The following OR5D14 variants were observed in gnomAD, a reference collection of about 807,000 sequenced individuals.
OR5D14 encodes olfactory receptor 5D14.
For synonymous variants in OR5D14, 187 were observed against 138.2 expected (o/e 1.35, Z -2.48); for missense variants, 466 against 375.5 (o/e 1.24, Z -1.99).
In OR5D14 at chr11:55,795,720, C is replaced by A. The variant is rs1327921999; in HGVS notation, c.165C>A (p.Pro55=). The A allele has an allele frequency of 6.2e-7, 1 of 1,613,392 alleles. No individual in the cohort carries two copies. Among genetic ancestry groups the A allele is most frequent in the Non-Finnish European group, 8.5e-7 (1 of 1,179,580 alleles). Residue 55 remains proline (P), a synonymous_variant, in exon 1 of 1, where the codon CCC becomes CCA. Transcript: ENST00000335605. ...LGMIIIIKIN[P]KFHTPMYFFL... ...TGATCATAATAATCAAGATTAACCC[C>A]AAATTTCACACTCCTATGTACTTTT...
At position 55,796,083 on chromosome 11, in the gene OR5D14, C is replaced by A; in HGVS notation, c.528C>A (p.Ile176=). 6.2e-7 allele frequency: 1 copy of A among 1,613,986 alleles called. No individual in the cohort carries two copies. Among genetic ancestry groups the A allele is most frequent in the Non-Finnish European group, 8.5e-7 (1 of 1,180,020 alleles). Reference sequence around the variant, plus strand: ...TAAACTTCTCTGGACCTAATGTAATCAACCACTTCTTTTGTGAGTATACTG... The same window carrying A: ...TAAACTTCTCTGGACCTAATGTAATAAACCACTTCTTTTGTGAGTATACTG... ...LRLNFSGPNV[I]NHFFCEYTAL... Residue 176 remains isoleucine (I), a synonymous_variant, in exon 1 of 1, where the codon ATC becomes ATA. Transcript: ENST00000335605.
rs747935351 is a variant in OR5D14 at position 55,795,942 on chromosome 11, C to A, written c.387C>A (p.Cys129Ter). 1 of 1,613,890 alleles carries A rather than the reference C, an allele frequency of 6.2e-7. No homozygotes were observed. Among genetic ancestry groups the A allele is most frequent in the South Asian group, 1.1e-5 (1 of 91,080 alleles). Reference protein sequence around the residue: ...VMAYDRFVAICNPLLYTVAMS... With the variant: ...VMAYDRFVAI ...CCTATGACCGCTTTGTGGCCATCTGCAATCCTCTGCTTTATACAGTGGCCA... is the reference window on the plus strand; with the variant it reads ...CCTATGACCGCTTTGTGGCCATCTGAAATCCTCTGCTTTATACAGTGGCCA... The change falls in exon 1 of 1, where the codon TGC becomes TGA. Residue 129 changes from cysteine to a stop codon, truncating the protein, a stop_gained. Transcript: ENST00000335605. LOFTEE classifies it low-confidence loss of function (END_TRUNC).
At position 55,796,402 on chromosome 11, in the gene OR5D14, G is replaced by T; in HGVS notation, c.847G>T (p.Val283Phe). The change falls in exon 1 of 1, where the codon GTC becomes TTC. Residue 283 changes from valine (V) to phenylalanine (F), a missense_variant. Transcript: ENST00000335605. ...AGTGGCCTCTGTATTTTACACAGTT[G>T]TCAACCCCATGCTGAACCCTCTGAT... Reference protein sequence around the residue: ...VKVASVFYTVVNPMLNPLIYS... With the variant: ...VKVASVFYTVFNPMLNPLIYS... The T allele has an allele frequency of 6.2e-7, 1 of 1,613,782 alleles. No individual in the cohort carries two copies. The highest frequency in any genetic ancestry group is 8.5e-7 in the Non-Finnish European group (1 of 1,179,880).
chr11:55,796,364 G>A lies in OR5D14; in HGVS notation c.809G>A (p.Arg270Gln), dbSNP rs183124098. The change falls in exon 1 of 1, where the codon CGG becomes CAG. Residue 270 changes from arginine to glutamine, a missense_variant. Physicochemically the swap from Arg to Gln is conservative, Grantham distance 43 (BLOSUM62 1). Coordinates refer to ENST00000335605, the MANE Select transcript of OR5D14 (RefSeq NM_001004735.1). ...TGTGTACCCAACTCCAAAAACTCTCGGCAAACAGTCAAAGTGGCCTCTGTA... is the reference window on the plus strand; with the variant it reads ...TGTGTACCCAACTCCAAAAACTCTCAGCAAACAGTCAAAGTGGCCTCTGTA... Reference protein sequence around the residue: ...LYCVPNSKNSRQTVKVASVFY... With the variant: ...LYCVPNSKNSQQTVKVASVFY... 90 of 1,613,768 alleles carry A rather than the reference G, an allele frequency of 5.6e-5. 2 individuals carry two copies. In the East Asian group the frequency reaches 7.4e-4, roughly 13 times the overall value.
Position 55,796,489 on chromosome 11 carries a change from C to G in OR5D14, c.934C>G (p.Pro312Ala), listed in dbSNP as rs1459988977. ...AFWKLIHTQV[P>A]FH ...CTGGAAGTTAATACATACACAAGTTCCATTTCACTGAACCAGTCTCAAAAG... is the reference window on the plus strand; with the variant it reads ...CTGGAAGTTAATACATACACAAGTTGCATTTCACTGAACCAGTCTCAAAAG... The change falls in exon 1 of 1, where the codon CCA becomes GCA. Residue 312 changes from proline to alanine, a missense_variant. Coordinates refer to ENST00000335605, the MANE Select transcript of OR5D14 (RefSeq NM_001004735.1). 6.3e-7 allele frequency: 1 copy of G among 1,592,006 alleles called. No individual in the cohort carries two copies. Among genetic ancestry groups the G allele is most frequent in the Admixed American group, 1.7e-5 (1 of 58,814 alleles).
chr11:55,796,489 C>A lies in OR5D14; in HGVS notation c.934C>A (p.Pro312Thr). The part of the protein sequence containing the change: ...AFWKLIHTQV[P>T]FH The stretch of plus-strand genomic sequence containing the variant: ...CTGGAAGTTAATACATACACAAGTT[C>A]CATTTCACTGAACCAGTCTCAAAAG... Residue 312 changes from proline (P) to threonine (T), a missense_variant, in exon 1 of 1, where the codon CCA (proline) becomes ACA (threonine). Transcript: ENST00000335605. The A allele has an allele frequency of 1.3e-6, 2 of 1,592,006 alleles. No individual in the cohort carries two copies. Among genetic ancestry groups the A allele is most frequent in the Non-Finnish European group, 8.6e-7 (1 of 1,168,900 alleles).
In OR5D14 at chr11:55,796,158, T is replaced by C. The variant is rs1248946522; in HGVS notation, c.603T>C (p.Leu201=). 7 of 1,613,946 alleles carry C rather than the reference T, an allele frequency of 4.3e-6. No homozygotes were observed. Among genetic ancestry groups the C allele is most frequent in the Non-Finnish European group, 5.9e-6 (7 of 1,179,972 alleles). Reference sequence around the variant, plus strand: ...ATATACTCATCCCCCACCTGCTGCTTTTCAGCTTCGCCACCTTCAATGAGA... The same window carrying C: ...ATATACTCATCCCCCACCTGCTGCTCTTCAGCTTCGCCACCTTCAATGAGA... ...GSDILIPHLL[L]FSFATFNEMC... The change falls in exon 1 of 1, where the codon CTT becomes CTC. Residue 201 remains leucine (L), a synonymous_variant. Coordinates refer to ENST00000335605, the MANE Select transcript of OR5D14 (RefSeq NM_001004735.1).
rs148455368 is a variant in OR5D14 at position 55,796,197 on chromosome 11, G to C, written c.642G>C (p.Leu214=). The C allele has an allele frequency of 3.9e-5, 63 of 1,613,766 alleles. No individual in the cohort carries two copies. Among genetic ancestry groups the C allele is most frequent in the Non-Finnish European group, 5.3e-5 (62 of 1,179,998 alleles). ...CCTTCAATGAGATGTGTACACTACTGATCATCCTCACTTCCTATGTTTTCA... is the reference window on the plus strand; with the variant it reads ...CCTTCAATGAGATGTGTACACTACTCATCATCCTCACTTCCTATGTTTTCA... ...FATFNEMCTL[L]IILTSYVFIF... is the part of the protein sequence containing the mutation. Residue 214 remains leucine (L), a synonymous_variant, in exon 1 of 1, where the codon CTG becomes CTC. Transcript: ENST00000335605.
In OR5D14 at chr11:55,796,123, T is replaced by G; in HGVS notation, c.568T>G (p.Ser190Ala). ...FCEYTALISVSGSDILIPHLL... is the reference protein window; with the variant it reads ...FCEYTALISVAGSDILIPHLL... ...TGAGTATACTGCTCTCATCTCTGTG[T>G]CTGGCTCTGATATACTCATCCCCCA... is the stretch of plus-strand genomic sequence containing the variant. The change falls in exon 1 of 1, where the codon TCT becomes GCT. Residue 190 changes from serine (S) to alanine (A), a missense_variant. Physicochemically the swap from Ser to Ala is moderately conservative, Grantham distance 99. Coordinates refer to ENST00000335605, the MANE Select transcript of OR5D14 (RefSeq NM_001004735.1). The G allele has an allele frequency of 6.2e-7, 1 of 1,613,968 alleles. No individual in the cohort carries two copies. Among genetic ancestry groups the G allele is most frequent in the Non-Finnish European group, 8.5e-7 (1 of 1,179,950 alleles).
Position 55,796,374 on chromosome 11 carries a change from C to G in OR5D14, c.819C>G (p.Val273=). The change falls in exon 1 of 1, where the codon GTC becomes GTG. Residue 273 remains valine (V), a synonymous_variant. Coordinates refer to ENST00000335605, the MANE Select transcript of OR5D14 (RefSeq NM_001004735.1). The part of the protein sequence containing the change: ...VPNSKNSRQT[V]KVASVFYTVV... ...ACTCCAAAAACTCTCGGCAAACAGTCAAAGTGGCCTCTGTATTTTACACAG... is the reference window on the plus strand; with the variant it reads ...ACTCCAAAAACTCTCGGCAAACAGTGAAAGTGGCCTCTGTATTTTACACAG... 1 of 1,613,722 alleles carries G rather than the reference C, an allele frequency of 6.2e-7. No homozygotes were observed. The highest frequency in any genetic ancestry group is 8.5e-7 in the Non-Finnish European group (1 of 1,179,758).
In OR5D14 at chr11:55,796,309, A is replaced by G. The variant is rs149902192; in HGVS notation, c.754A>G (p.Ile252Val). Residue 252 changes from isoleucine to valine, a missense_variant, in exon 1 of 1, where the codon ATC (isoleucine) becomes GTC (valine). Coordinates refer to ENST00000335605, the MANE Select transcript of OR5D14 (RefSeq NM_001004735.1). The part of the protein sequence containing the change: ...TWASHLTSIT[I>V]FHGTILFLYC... ...GGCCTCCCACCTGACTTCTATCACCATCTTCCATGGGACCATCCTTTTCCT... is the reference window on the plus strand; with the variant it reads ...GGCCTCCCACCTGACTTCTATCACCGTCTTCCATGGGACCATCCTTTTCCT... 1 of 1,613,842 alleles carries G rather than the reference A, an allele frequency of 6.2e-7. No individual in the cohort carries two copies. The highest frequency in any genetic ancestry group is 8.5e-7 in the Non-Finnish European group (1 of 1,179,940).
In OR5D14 at chr11:55,796,190, C is replaced by G; in HGVS notation, c.635C>G (p.Thr212Arg). The change falls in exon 1 of 1, where the codon ACA (threonine) becomes AGA (arginine). Residue 212 changes from threonine to arginine, a missense_variant. By Grantham distance (71) the Thr-to-Arg change is moderately conservative. Transcript: ENST00000335605. ...FSFATFNEMC[T>R]LLIILTSYVF... is the part of the protein sequence containing the mutation. Reference sequence around the variant, plus strand: ...TTCGCCACCTTCAATGAGATGTGTACACTACTGATCATCCTCACTTCCTAT... The same window carrying G: ...TTCGCCACCTTCAATGAGATGTGTAGACTACTGATCATCCTCACTTCCTAT... 6.2e-7 allele frequency: 1 copy of G among 1,613,918 alleles called. No individual in the cohort carries two copies. Among genetic ancestry groups the G allele is most frequent in the African/African-American group, 1.3e-5 (1 of 74,862 alleles).
In OR5D14 at chr11:55,796,361, C is replaced by T. The variant is rs1196405027; in HGVS notation, c.806C>T (p.Ser269Phe). The stretch of plus-strand genomic sequence containing the variant: ...TACTGTGTACCCAACTCCAAAAACT[C>T]TCGGCAAACAGTCAAAGTGGCCTCT... ...FLYCVPNSKN[S>F]RQTVKVASVF... is the part of the protein sequence containing the mutation. The change falls in exon 1 of 1, where the codon TCT becomes TTT. Residue 269 changes from serine (S) to phenylalanine (F), a missense_variant. Ser to Phe is a radical substitution (Grantham distance 155). Transcript: ENST00000335605. The T allele has an allele frequency of 1.2e-6, 2 of 1,613,838 alleles. No individual in the cohort carries two copies. The highest frequency in any genetic ancestry group is 1.3e-5 in the African/African-American group (1 of 74,802).
rs779626884 is a variant in OR5D14, at chr11:55,795,684, A to T, written c.129A>T (p.Gly43=). 8 of 1,612,392 alleles carry T rather than the reference A, an allele frequency of 5.0e-6. No individual in the cohort carries two copies. Among genetic ancestry groups the T allele is most frequent in the Non-Finnish European group, 6.8e-6 (8 of 1,178,916 alleles). ...FLLMYVITVV[G]NLGMIIIIKI... is the part of the protein sequence containing the mutation. ...TCATGTATGTTATCACAGTGGTAGG[A>T]AACCTTGGGATGATCATAATAATCA... The change falls in exon 1 of 1, where the codon GGA becomes GGT. Residue 43 remains glycine (G), a synonymous_variant. Transcript: ENST00000335605.
In OR5D14 at chr11:55,795,570, A is replaced by G; in HGVS notation, c.15A>G (p.Leu5=). 1 of 1,587,588 alleles carries G rather than the reference A, an allele frequency of 6.3e-7. No homozygotes were observed. Among genetic ancestry groups the G allele is most frequent in the Non-Finnish European group, 8.6e-7 (1 of 1,168,420 alleles). The change falls in exon 1 of 1, where the codon TTA becomes TTG. Residue 5 remains leucine, a synonymous_variant. Coordinates refer to ENST00000335605, the MANE Select transcript of OR5D14 (RefSeq NM_001004735.1). MMMV[L]RNLSMEPTFA... ...TAAAAGGAATTATGATGATGGTTTT[A>G]AGGAATCTGAGCATGGAGCCCACCT... is the stretch of plus-strand genomic sequence containing the variant.
Position 55,795,662 on chromosome 11 carries a change from T to C in OR5D14, c.107T>C (p.Met36Thr). 1 of 1,612,292 alleles carries C rather than the reference T, an allele frequency of 6.2e-7. No individual in the cohort carries two copies. The highest frequency in any genetic ancestry group is 1.1e-5 in the South Asian group (1 of 91,066). The part of the protein sequence containing the change: ...QIPLFLVFLL[M>T]YVITVVGNLG... ...CCTCTCTTCCTTGTGTTTCTGCTCA[T>C]GTATGTTATCACAGTGGTAGGAAAC... The change falls in exon 1 of 1, where the codon ATG becomes ACG. Residue 36 changes from methionine (M) to threonine (T), a missense_variant. Transcript: ENST00000335605.
rs766377416 is a variant in OR5D14, at chr11:55,795,962, T to A, written c.407T>A (p.Val136Glu). 9.3e-6 allele frequency: 15 copies of A among 1,613,900 alleles called. No homozygotes were observed. The East Asian group carries it at 2.2e-4, about 24-fold the overall frequency. Residue 136 changes from valine to glutamate, a missense_variant, in exon 1 of 1, where the codon GTG (valine) becomes GAG (glutamate). Transcript: ENST00000335605. ...ATCTGCAATCCTCTGCTTTATACAG[T>A]GGCCATGTCACAGAGGCTCTGTGCC... ...VAICNPLLYT[V>E]AMSQRLCALL...
chr11:55,796,374 C>T lies in OR5D14; in HGVS notation c.819C>T (p.Val273=). The change falls in exon 1 of 1, where the codon GTC becomes GTT. Residue 273 remains valine, a synonymous_variant. Coordinates refer to ENST00000335605, the MANE Select transcript of OR5D14 (RefSeq NM_001004735.1). ...ACTCCAAAAACTCTCGGCAAACAGTCAAAGTGGCCTCTGTATTTTACACAG... is the reference window on the plus strand; with the variant it reads ...ACTCCAAAAACTCTCGGCAAACAGTTAAAGTGGCCTCTGTATTTTACACAG... ...VPNSKNSRQT[V]KVASVFYTVV... 2 of 1,613,722 alleles carry T rather than the reference C, an allele frequency of 1.2e-6. No individual in the cohort carries two copies. Among genetic ancestry groups the T allele is most frequent in the Non-Finnish European group, 1.7e-6 (2 of 1,179,758 alleles).
In OR5D14 at chr11:55,796,026, C is replaced by T. The variant is rs142746293; in HGVS notation, c.471C>T (p.Gly157=). 6.2e-6 allele frequency: 10 copies of T among 1,613,742 alleles called. No homozygotes were observed. Among genetic ancestry groups the T allele is most frequent in the Admixed American group, 3.3e-5 (2 of 59,976 alleles). Residue 157 remains glycine (G), a synonymous_variant, in exon 1 of 1, where the codon GGC becomes GGT. Coordinates refer to ENST00000335605, the MANE Select transcript of OR5D14 (RefSeq NM_001004735.1). Reference sequence around the variant, plus strand: ...GGTCATATCTCTGGGGCATGTTTGGCCCCTTGGTACTCCTTTGTTATGCTC... The same window carrying T: ...GGTCATATCTCTGGGGCATGTTTGGTCCCTTGGTACTCCTTTGTTATGCTC... ...VAGSYLWGMF[G]PLVLLCYALR...
Sources: gnomAD v4.1 joint callset for allele counts on GRCh38, gnomAD v4.1.1 for gene constraint, MANE v1.5 for transcripts, NCBI Gene and HGNC (gene_info 2026-07-23, HGNC 2026-07-21) for gene names.